TAF6L: variants seen among roughly 807,000 people sequenced by gnomAD.
The protein encoded by TAF6L is TATA-box binding protein associated factor 6 like.
In TAF6L, 34 loss-of-function variants were observed where a neutral mutation model predicts 57.3. The ratio of observed to expected loss-of-function variants is 0.59; its 90% CI spans 0.45 to 0.79. The LOEUF (loss-of-function observed/expected upper bound fraction) is 0.79. TAF6L is among the 30% of genes least tolerant of loss of function. TAF6L has a pLI of 0.00. For synonymous variants in TAF6L, 417 were observed against 376.3 expected (o/e 1.11, Z -1.25); for missense variants, 782 against 853.2 (o/e 0.92, Z 1.04).
intron 6 of TAF6L, among the ~76,000 whole-genome samples, chr11:62,779,666 TAAAAA>T (rs200285099): frequency 6.6e-6 from 1 of 151,144 alleles, no homozygotes; most frequent in African/African-American, 2.4e-5. Context: ...TTATTTTAAT[TAAAAA>T]AACATTTTTT....
In TAF6L at chr11:62,786,764, C is replaced by T. The variant is rs748865135; in HGVS notation, c.1337C>T (p.Ala446Val). 1.2e-5 allele frequency: 19 copies of T among 1,612,766 alleles called. No individual in the cohort carries two copies. Among genetic ancestry groups the T allele is most frequent in the Middle Eastern group, 1.6e-4 (1 of 6,074 alleles). The change falls in exon 11 of 11, where the codon GCC (alanine) becomes GTC (valine). Residue 446 changes from alanine to valine, a missense_variant. Transcript: ENST00000294168. ...TLADIYRELYAFFGDSLATRF... is the reference protein window; with the variant it reads ...TLADIYRELYVFFGDSLATRF... ...GCCGACATCTACCGGGAGCTCTACG[C>T]CTTCTTCGGTGACAGCTTGGCCACA...
intron 5 of TAF6L, 85 bp downstream of exon 5, chr11:62,778,420 G>A: frequency 1.3e-6 from 2 of 1,500,510 alleles, no homozygotes; most frequent in Non-Finnish European, 1.8e-6. Context: ...CCCCGAGTCT[G>A]CGTCTAACAT....
intron 1 of TAF6L, among the ~76,000 whole-genome samples, chr11:62,775,341 G>A (rs117073087): frequency 0.014 from 2,107 of 152,282 alleles, 26 homozygotes; most frequent in Non-Finnish European, 0.022. Context: ...CTCTTGACAC[G>A]TGGGGATTAT....
At chr11:62,782,377 C>A (rs2084236929) in intron 8 of TAF6L, 44 bp downstream of exon 8, 7 of 1,589,162 alleles carry the variant, frequency 4.4e-6, no homozygotes, top group Non-Finnish European at 5.1e-6. Flanking sequence ...GCTGCAGAGC[C>A]AAGTGGGTTG....
chr11:62,775,675 C>T, intron 1 of TAF6L, 96 bp from the exon 2 acceptor site: 1 of 1,379,344 alleles, frequency 7.2e-7, no homozygotes, highest in South Asian at 1.4e-5. Context: ...AACTCCAGAG[C>T]ACGAGCAGCA....
rs1276174548 is a variant in TAF6L at position 62,778,973 on chromosome 11, T to C, written c.531+10T>C. On this transcript the variant is annotated intron_variant, in intron 6 of 10. Coordinates refer to ENST00000294168, the MANE Select transcript of TAF6L (RefSeq NM_006473.4). ...TCCGCAACTGATGAAGGTGAGCGAG[T>C]GGGCCCAAGTTGGGGCACAAAGTTG... The C allele has an allele frequency of 2.0e-5, 32 of 1,608,390 alleles. No homozygotes were observed. The highest frequency in any genetic ancestry group is 2.7e-5 in the Non-Finnish European group (32 of 1,176,176).
intron 9 of TAF6L, among the ~76,000 whole-genome samples, chr11:62,784,164 A>G (rs2084252629): frequency 6.9e-6 from 1 of 143,970 alleles, no homozygotes; most frequent in Non-Finnish European, 1.5e-5. Flanking sequence ...TAATTTTTGT[A>G]TTTTTAGTAG....
Position 62,775,835 on chromosome 11 carries a change from C to G in TAF6L, c.52C>G (p.Arg18Gly). 2 of 1,613,016 alleles carry G rather than the reference C, an allele frequency of 1.2e-6. No homozygotes were observed. Among genetic ancestry groups the G allele is most frequent in the Non-Finnish European group, 1.7e-6 (2 of 1,179,888 alleles). Residue 18 changes from arginine to glycine, a missense_variant, in exon 2 of 11, where the codon CGG becomes GGG. Arg to Gly is a moderately radical substitution (Grantham distance 125, BLOSUM62 -2). Transcript: ENST00000294168. ...TGTGGAGATCCCTCGGGAGTCTGTCCGGCTCATGGCGGAGAGCACGGGCCT... is the reference window on the plus strand; with the variant it reads ...TGTGGAGATCCCTCGGGAGTCTGTCGGGCTCATGGCGGAGAGCACGGGCCT... ...RFVEIPRESV[R>G]LMAESTGLEL...
chr11:62,780,266 C>G (rs912519160), intron 6 of TAF6L, among the ~76,000 whole-genome samples: 1 of 147,400 alleles, frequency 6.8e-6, no homozygotes, highest in Non-Finnish European at 1.5e-5. Flanking sequence ...TGCTGTGAGT[C>G]AAGATCACAC....
At chr11:62,771,916 G>A in intron 1 of TAF6L, 1 of 352,208 alleles carries the variant, frequency 2.8e-6, no homozygotes, top group Middle Eastern at 6.3e-4. Flanking sequence ...TCTATTGGCG[G>A]GTCTAGGGTC....
chr11:62,782,143 C>T lies in TAF6L; in HGVS notation c.637C>T (p.Leu213=). 6.2e-7 allele frequency: 1 copy of T among 1,612,286 alleles called. No individual in the cohort carries two copies. The change falls in exon 8 of 11, where the codon CTG becomes TTG. Residue 213 remains leucine (L), a synonymous_variant. Transcript: ENST00000294168. ...ATCTGTAAGCCATGACCTGGAGCAA[C>T]TGCACCGGCTGCTGCAGGTGGCACG... ...VKSVSHDLEQ[L]HRLLQVARSL...
chr11:62,777,754 T>C (rs752099383), intron 3 of TAF6L, among the ~76,000 whole-genome samples: 3 of 152,158 alleles, frequency 2.0e-5, no homozygotes, highest in Non-Finnish European at 4.4e-5. Context: ...CTTCCAGTTA[T>C]GGGAGGAGCG....
Position 62,778,942 on chromosome 11 carries a change from G to A in TAF6L, c.510G>A (p.Gly170=), listed in dbSNP as rs954851845. The A allele has an allele frequency of 6.2e-7, 1 of 1,614,012 alleles. No individual in the cohort carries two copies. The highest frequency in any genetic ancestry group is 1.3e-5 in the African/African-American group (1 of 74,910). Residue 170 remains glycine, a synonymous_variant, in exon 6 of 11, where the codon GGG becomes GGA. Transcript: ENST00000294168. Reference sequence around the variant, plus strand: ...ACCAGGTGACTCGTGCTGTGCTAGGGGATGATCCGCAACTGATGAAGGTGA... The same window carrying A: ...ACCAGGTGACTCGTGCTGTGCTAGGAGATGATCCGCAACTGATGAAGGTGA... ...YYHQVTRAVL[G]DDPQLMKVAL...
intron 6 of TAF6L, among the ~76,000 whole-genome samples, chr11:62,779,976 A>ATATATATAT (rs1294367864): frequency 1.9e-5 from 1 of 52,632 alleles, no homozygotes; most frequent in Non-Finnish European, 3.6e-5. Context: ...ATATATATAT[A>ATATATATAT]TTTTTTTTTT....
rs151093417 is a variant in TAF6L, at chr11:62,786,585, C to T, written c.1158C>T (p.Gly386=). The change falls in exon 11 of 11, where the codon GGC becomes GGT. Residue 386 remains glycine, a synonymous_variant. Coordinates refer to ENST00000294168, the MANE Select transcript of TAF6L (RefSeq NM_006473.4). ...AAEPNRGGPG[G]RGCRRLDDLP... ...AGCCCAACAGGGGTGGCCCAGGTGGCAGGGGGTGCCGGCGCCTGGACGACC... is the reference window on the plus strand; with the variant it reads ...AGCCCAACAGGGGTGGCCCAGGTGGTAGGGGGTGCCGGCGCCTGGACGACC... 1.3e-5 allele frequency: 20 copies of T among 1,574,532 alleles called. No individual in the cohort carries two copies. The African/African-American group carries it at 2.4e-4, about 19-fold the overall frequency.
At chr11:62,778,459 G>C (rs2084203380) in intron 5 of TAF6L, 124 bp downstream of exon 5, 2 of 1,174,118 alleles carry the variant, frequency 1.7e-6, no homozygotes, top group South Asian at 2.6e-5. Context: ...CTTGTGCCAT[G>C]GTCTGAGTGG....
At chr11:62,781,700 C>T in intron 6 of TAF6L, 194 bp from the exon 7 acceptor site, 1 of 498,874 alleles carries the variant, frequency 2.0e-6, no homozygotes, top group Non-Finnish European at 3.6e-6. Context: ...AGGTTGTATT[C>T]AGGGCCATAT....
chr11:62,778,383 T>C (rs373949758), intron 5 of TAF6L, 48 bp downstream of exon 5: 3 of 1,602,222 alleles, frequency 1.9e-6, no homozygotes, highest in Non-Finnish European at 1.7e-6. Context: ...TTTTCTCCCT[T>C]AGGTTCTGAG....
chr11:62,782,898 G>T, intron 9 of TAF6L, 73 bp downstream of exon 9: 1 of 1,578,450 alleles, frequency 6.3e-7, no homozygotes, highest in East Asian at 2.3e-5. Context: ...CTTGTGCATC[G>T]TTATCTCCAA....
Sources: gnomAD v4.1 joint callset for allele counts (sites outside exome capture counted in the v4.1 genomes callset) on GRCh38, gnomAD v4.1.1 for gene constraint, MANE v1.5 for transcripts, NCBI Gene and HGNC (gene_info 2026-07-23, HGNC 2026-07-21) for gene names.